NCKAP1: variants seen among roughly 807,000 people sequenced by gnomAD.
The protein encoded by NCKAP1 is nck-associated protein 1.
In NCKAP1, 21 loss-of-function variants were observed where a neutral mutation model predicts 151.2. That is an observed-to-expected ratio of 0.14 (90% CI 0.10 to 0.20). The LOEUF is 0.20. Among genes scored for constraint, NCKAP1 ranks in the 10% least tolerant of loss-of-function variants. The probability of loss-of-function intolerance (pLI) is 1.00; values close to 1 mark genes in which losing one functional copy is unlikely to be tolerated. For synonymous variants in NCKAP1, 484 were observed against 451.8 expected (o/e 1.07, Z -0.90); for missense variants, 933 against 1,352.1 (o/e 0.69, Z 4.86).
At chr2:182,997,742 A>G (rs1397307720) in intron 6 of NCKAP1, among the ~76,000 whole-genome samples, 1 of 152,200 alleles carries the variant, frequency 6.6e-6, no homozygotes, top group African/African-American at 2.4e-5. Flanking sequence ...GGCCACATAG[A>G]TTCACAGCTG....
chr2:183,033,634 T>G (rs902050355), intron 1 of NCKAP1, among the ~76,000 whole-genome samples: 31 of 152,314 alleles, frequency 2.0e-4, no homozygotes, highest in East Asian at 3.9e-4. Context: ...ACCTCAATAT[T>G]TGAGAGTAAC....
chr2:183,031,583 G>GA (rs1028057048), intron 1 of NCKAP1, among the ~76,000 whole-genome samples: 1 of 151,470 alleles, frequency 6.6e-6, no homozygotes, highest in African/African-American at 2.4e-5. Flanking sequence ...GGGTGGGGGG[G>GA]AATGAACATT....
chr2:182,964,637 T>C (rs769799425), intron 17 of NCKAP1, 39 bp downstream of exon 17: 13 of 1,483,762 alleles, frequency 8.8e-6, no homozygotes, highest in South Asian at 2.8e-5. Flanking sequence ...CTAGTTTACT[T>C]TGCATACCAT....
intron 1 of NCKAP1, 138 bp downstream of exon 1, chr2:183,037,854 C>CCCGGG (rs1044014798): frequency 3.5e-5 from 22 of 627,562 alleles, no homozygotes; most frequent in Non-Finnish European, 5.3e-5. Context: ...TCCAGGCGAC[C>CCCGGG]CCGGGCCGGG....
intron 8 of NCKAP1, 100 bp downstream of exon 8, chr2:182,994,739 G>T: frequency 1.1e-6 from 1 of 935,952 alleles, no homozygotes; most frequent in Non-Finnish European, 1.7e-6. Context: ...AGATGGGTTA[G>T]CACAATGCTA....
chr2:182,995,748 G>C lies in NCKAP1; in HGVS notation c.694C>G (p.Leu232Val). The C allele has an allele frequency of 6.2e-7, 1 of 1,613,884 alleles. No homozygotes were observed. ...DQWRNAQLLS[L>V]ISAPSTMLNP... ...AGCATTGTACTAGGTGCACTGATGA[G>C]GCTCAATAACTGGGCATTTCTCCAC... The change falls in exon 7 of 31, where the codon CTC becomes GTC. Residue 232 changes from leucine (L) to valine (V), a missense_variant. By Grantham distance (32) the Leu-to-Val change is conservative (BLOSUM62 1). Around this residue, in one of 2 missense-constraint regions of NCKAP1, gnomAD observed 607 missense variants for 795.0 expected, o/e 0.76. Transcript: ENST00000361354.
chr2:183,030,441 G>A (rs1698983132), intron 1 of NCKAP1, among the ~76,000 whole-genome samples: 1 of 152,124 alleles, frequency 6.6e-6, no homozygotes, highest in South Asian at 2.1e-4. Context: ...CCAAAATAGG[G>A]AAGAACAAAA....
Position 183,038,087 on chromosome 2 carries a change from C to T in NCKAP1, c.13G>A (p.Val5Met). 6.3e-7 allele frequency: 1 copy of T among 1,575,252 alleles called. No individual in the cohort carries two copies. Among genetic ancestry groups the T allele is most frequent in the South Asian group, 1.1e-5 (1 of 88,170 alleles). ...AGCTTCTGCTGACTGGGCTGCAGCA[C>T]TGAGCGCGACATGGTGGTGCTGGTG... MSRS[V>M]LQPSQQKLAE... is the part of the protein sequence containing the mutation. The change falls in exon 1 of 31, where the codon GTG becomes ATG. Residue 5 changes from valine (V) to methionine (M), a missense_variant. By Grantham distance (21) the Val-to-Met change is conservative. Transcript: ENST00000361354.
chr2:182,992,390 T>C (rs1400618070), intron 8 of NCKAP1, among the ~76,000 whole-genome samples: 1 of 152,228 alleles, frequency 6.6e-6, no homozygotes, highest in Non-Finnish European at 1.5e-5. Flanking sequence ...GGGAGCCTGC[T>C]TCCTGATCGA....
chr2:183,013,551 C>T (rs1028543944), intron 2 of NCKAP1, among the ~76,000 whole-genome samples: 2 of 152,148 alleles, frequency 1.3e-5, no homozygotes, highest in African/African-American at 4.8e-5. Context: ...TAGTCCAAGC[C>T]ACCATCAGCT....
chr2:182,970,716 G>A (rs1462364840), intron 15 of NCKAP1, among the ~76,000 whole-genome samples: 1 of 152,196 alleles, frequency 6.6e-6, no homozygotes. Context: ...ATACAAGGAT[G>A]CCTGCTTTCA....
rs184444838 is a variant in NCKAP1, at chr2:183,037,943, C to T, written c.108+49G>A. On this transcript the variant is annotated intron_variant, in intron 1 of 30. Coordinates refer to ENST00000361354, the MANE Select transcript of NCKAP1 (RefSeq NM_013436.5). ...CCCACGGCCTCCCTTGCCCTTCATC[C>T]CTCCCGGGCCCGCCCGCCTCCGCCG... 2.1e-6 allele frequency: 3 copies of T among 1,461,300 alleles called. No individual in the cohort carries two copies. In the African/African-American group the frequency reaches 4.4e-5, roughly 21 times the overall value. 90.5% of individuals were successfully genotyped at this position (1,461,300 alleles called of 1,614,324 possible). A position where few individuals can be genotyped will look rare whatever the true frequency, so the allele number is the denominator to read the frequency against.
intron 6 of NCKAP1, 35 bp downstream of exon 6, chr2:183,001,918 C>G: frequency 1.3e-6 from 2 of 1,545,760 alleles, no homozygotes; most frequent in Non-Finnish European, 1.8e-6. Context: ...ATGTTATATG[C>G]CCATTCTCTC....
intron 8 of NCKAP1, among the ~76,000 whole-genome samples, chr2:182,992,642 T>C (rs1297496840): frequency 1.3e-5 from 2 of 152,188 alleles, no homozygotes; most frequent in African/African-American, 2.4e-5. Flanking sequence ...CACTTATCTT[T>C]ATAGAAGAAA....
At chr2:183,032,937 C>A (rs775315991) in intron 1 of NCKAP1, among the ~76,000 whole-genome samples, 1 of 152,178 alleles carries the variant, frequency 6.6e-6, no homozygotes, top group African/African-American at 2.4e-5. Flanking sequence ...ATAGTCCCAG[C>A]TACTCAGAAG....
At chr2:182,928,665 G>A (rs1696697456) in intron 28 of NCKAP1, 118 bp downstream of exon 28, 2 of 630,828 alleles carry the variant, frequency 3.2e-6, no homozygotes, top group Non-Finnish European at 5.4e-6. Flanking sequence ...TAGGAAAAGG[G>A]AAACAGACTA....
chr2:182,962,101 C>A (rs2105833210), intron 18 of NCKAP1, 58 bp downstream of exon 18: 21 of 1,535,714 alleles, frequency 1.4e-5, no homozygotes, highest in Non-Finnish European at 1.9e-5. Flanking sequence ...TGGCTAAAAG[C>A]ACATTTTCTT....
At chr2:182,990,278 T>TC (rs1480878660) in intron 8 of NCKAP1, among the ~76,000 whole-genome samples, 1 of 151,970 alleles carries the variant, frequency 6.6e-6, no homozygotes, top group Non-Finnish European at 1.5e-5. Flanking sequence ...TCTCAGGCCA[T>TC]CCTTCCACCT....
At chr2:182,938,383 A>G in intron 24 of NCKAP1, among the ~76,000 whole-genome samples, 1 of 152,238 alleles carries the variant, frequency 6.6e-6, no homozygotes, top group East Asian at 1.9e-4. Flanking sequence ...GCAAATAAAG[A>G]AAATAAAGCT....
Sources: allele counts gnomAD v4.1 joint callset (sites outside exome capture counted in the v4.1 genomes callset), GRCh38; gene constraint gnomAD v4.1.1; regional missense constraint gnomAD v4.1.1; transcripts MANE v1.5; gene names NCBI Gene and HGNC (gene_info 2026-07-23, HGNC 2026-07-21).